DOCK9: variants seen among roughly 807,000 people sequenced by gnomAD.
The protein encoded by DOCK9 is dedicator of cytokinesis 9.
In DOCK9, 89 loss-of-function variants were observed where a neutral mutation model predicts 263.3. The observed-to-expected ratio is 0.34, with a 90% CI of 0.28 to 0.40. The LOEUF (loss-of-function observed/expected upper bound fraction) is 0.40. Ranked by LOEUF, DOCK9 falls within the 10% of genes least tolerant of loss-of-function variation. DOCK9 has a pLI of 1.00. For synonymous variants in DOCK9, 976 were observed against 973.1 expected, an observed-to-expected ratio of 1.00 and a Z score of -0.06; for missense variants, 2,140 against 2,603.4, an observed-to-expected ratio of 0.82 and a Z score of 3.87.
intron 39 of DOCK9, chr13:98,832,962 A>C (rs2092822792): frequency 6.6e-6 from 1 of 152,078 alleles, no homozygotes; most frequent in Non-Finnish European, 1.5e-5. Context: ...TTGGAGGGAA[A>C]TTTTTCCTCA....
intron 3 of DOCK9, among the ~76,000 whole-genome samples, chr13:98,926,271 C>T (rs2052947569): frequency 6.6e-6 from 1 of 152,178 alleles, no homozygotes; most frequent in Non-Finnish European, 1.5e-5. Flanking sequence ...TCTACTATGA[C>T]ATAAAAGTGA....
chr13:98,980,072 C>T (rs1212870206), upstream of DOCK9, among the ~76,000 whole-genome samples: 2 of 152,208 alleles, frequency 1.3e-5, no homozygotes, highest in African/African-American at 4.8e-5. Context: ...GTAGTCCAGG[C>T]TGAGTGCAGG....
intron 1 of DOCK9, among the ~76,000 whole-genome samples, chr13:99,035,073 G>C (rs1887724433): frequency 6.6e-6 from 1 of 152,228 alleles, no homozygotes; most frequent in South Asian, 2.1e-4. Flanking sequence ...TCTGTCTTCT[G>C]TCTCAGCTTC....
Position 98,885,558 on chromosome 13 carries a change from A to G in DOCK9, c.2260+150T>C, listed in dbSNP as rs1406430951. 10 of 804,862 alleles carry G rather than the reference A, an allele frequency of 1.2e-5. No individual in the cohort carries two copies. The Middle Eastern group carries it at 1.8e-3, about 145-fold the overall frequency. The allele number at this position is 804,862 out of a possible 1,614,324, so 49.9% of individuals were successfully genotyped here. ...AATTAAAAAAAAAAAAAAAAATTACATATGCAACCCAGACATGCTACATAT... is the reference window on the plus strand; with the variant it reads ...AATTAAAAAAAAAAAAAAAAATTACGTATGCAACCCAGACATGCTACATAT... On this transcript the variant is annotated intron_variant, in intron 20 of 52. Transcript: ENST00000682017.
At chr13:98,824,303 G>A (rs2092430338) in intron 45 of DOCK9, 95 bp downstream of exon 45, 6 of 1,034,168 alleles carry the variant, frequency 5.8e-6, no homozygotes, top group Non-Finnish European at 3.0e-6. Context: ...GCAGCTACAG[G>A]GAGGAAAAAG....
chr13:98,906,563 C>T (rs1397251542), intron 9 of DOCK9, among the ~76,000 whole-genome samples: 1 of 152,138 alleles, frequency 6.6e-6, no homozygotes, highest in Non-Finnish European at 1.5e-5. Flanking sequence ...GCTACTTTCC[C>T]CAAAGACATG....
chr13:99,051,172 G>C (rs1365162297), intron 1 of DOCK9, among the ~76,000 whole-genome samples: 2 of 152,218 alleles, frequency 1.3e-5, no homozygotes, highest in Non-Finnish European at 2.9e-5. Flanking sequence ...GGAGGTAATA[G>C]TGGCCTTGAA....
At chr13:98,941,912 T>C (rs1476010056) in intron 2 of DOCK9, among the ~76,000 whole-genome samples, 1 of 152,262 alleles carries the variant, frequency 6.6e-6, no homozygotes, top group African/African-American at 2.4e-5. Flanking sequence ...GGTAGTTATC[T>C]CTTTGGATTC....
intron 4 of DOCK9, among the ~76,000 whole-genome samples, chr13:98,925,297 G>A (rs537200753): frequency 1.3e-5 from 2 of 152,164 alleles, no homozygotes; most frequent in Admixed American, 6.5e-5. Context: ...CCTAGCTACC[G>A]CGATTCACTT....
chr13:98,950,149 G>A (rs1238581147), intron 2 of DOCK9: 29 of 616,300 alleles, frequency 4.7e-5, no homozygotes, highest in Non-Finnish European at 7.3e-5. Flanking sequence ...CTGCACCAGT[G>A]AAGTCACACC....
In DOCK9 at chr13:98,854,579, G is replaced by C. The variant is rs1380700497; in HGVS notation, c.3832-1057C>G. On this transcript the variant is annotated intron_variant, in intron 34 of 52. Coordinates refer to ENST00000682017, the MANE Select transcript of DOCK9 (RefSeq NM_001366683.2). Reference sequence around the variant, plus strand: ...GAGAACTTAGTACTTCCGGCAGTGGGAGGGAAGGTGTTGCATTCAATGTCT... The same window carrying C: ...GAGAACTTAGTACTTCCGGCAGTGGCAGGGAAGGTGTTGCATTCAATGTCT... 4.6e-5 allele frequency: 7 copies of C among 152,262 alleles called. No individual in the cohort carries two copies. In the East Asian group the frequency reaches 1.2e-3, roughly 25 times the overall value. The allele number at this position is 152,262 out of a possible 1,614,324, so 9.4% of individuals were successfully genotyped here. A position where few individuals can be genotyped will look rare whatever the true frequency, so the allele number is the denominator to read the frequency against.
intron 1 of DOCK9, among the ~76,000 whole-genome samples, chr13:99,084,035 G>A (rs767457234): frequency 6.6e-6 from 1 of 152,170 alleles, no homozygotes; most frequent in Non-Finnish European, 1.5e-5. Context: ...ACAGACCATG[G>A]GATTCTGAAC....
chr13:99,078,473 G>C (rs1017560671), intron 1 of DOCK9, among the ~76,000 whole-genome samples: 3 of 152,210 alleles, frequency 2.0e-5, no homozygotes, highest in Non-Finnish European at 2.9e-5. Flanking sequence ...AGCCCTGAGA[G>C]GCCGCCCCAC....
chr13:98,986,917 G>A (rs1878598018), intron 1 of DOCK9, among the ~76,000 whole-genome samples: 1 of 152,292 alleles, frequency 6.6e-6, no homozygotes, highest in Non-Finnish European at 1.5e-5. Context: ...TGGCAGGTGA[G>A]GAGGGTGAAT....
intron 1 of DOCK9, among the ~76,000 whole-genome samples, chr13:98,974,748 C>CAAAAAAAAAA (rs57196019): frequency 6.0e-5 from 2 of 33,214 alleles, no homozygotes; most frequent in African/African-American, 1.1e-4. Context: ...AACTCTGTCT[C>CAAAAAAAAAA]AAAAAAAAAA....
intron 15 of DOCK9, among the ~76,000 whole-genome samples, chr13:98,895,495 T>C (rs538551068): frequency 5.1e-4 from 78 of 152,052 alleles, no homozygotes; most frequent in Admixed American, 2.2e-3. Flanking sequence ...TGAAACCCCA[T>C]CTCTACTAAA....
At chr13:99,035,300 CTGA>C (rs1887758444) in intron 1 of DOCK9, among the ~76,000 whole-genome samples, 1 of 152,162 alleles carries the variant, frequency 6.6e-6, no homozygotes, top group African/African-American at 2.4e-5. Context: ...CTATCAGAGA[CTGA>C]TGAATACCTC....
chr13:98,902,533 C>T (rs375973007), intron 11 of DOCK9, 42 bp from the exon 12 acceptor site: 1 of 1,577,578 alleles, frequency 6.3e-7, no homozygotes. Flanking sequence ...ATGGCTCAAA[C>T]AGGGACAAAA....
At chr13:98,959,126 C>T (rs1484029454) in intron 1 of DOCK9, among the ~76,000 whole-genome samples, 3 of 152,190 alleles carry the variant, frequency 2.0e-5, no homozygotes, top group African/African-American at 7.2e-5. Flanking sequence ...CCACCAAGTA[C>T]CCAGCAGGAC....
Sources: allele counts gnomAD v4.1 joint callset (sites outside exome capture counted in the v4.1 genomes callset), GRCh38; gene constraint gnomAD v4.1.1; transcripts MANE v1.5; gene names NCBI Gene and HGNC (gene_info 2026-07-23, HGNC 2026-07-21).